Variants in HEATR5A observed in about 807,000 individuals in gnomAD.
HEATR5A encodes HEAT repeat-containing protein 5A.
In HEATR5A, 178 loss-of-function variants were observed where a neutral mutation model predicts 218.8. The ratio of observed to expected loss-of-function variants is 0.81; its 90% CI spans 0.72 to 0.92. HEATR5A has a LOEUF of 0.92. Ranked by LOEUF, HEATR5A falls within the 40% of genes least tolerant of loss-of-function variation. The pLI is 0.00. For missense variants in HEATR5A, 2,420 were observed against 2,418.9 expected (o/e 1.00, Z -0.01); for synonymous variants, 864 against 871.6 (o/e 0.99, Z 0.15).
chr14:31,293,971 T>C lies in HEATR5A; in HGVS notation c.5753A>G (p.Glu1918Gly). The change falls in exon 35 of 36, where the codon GAA becomes GGA. Residue 1918 changes from glutamate to glycine, a missense_variant. Glu to Gly is a moderately conservative substitution (Grantham distance 98, BLOSUM62 -2). Coordinates refer to ENST00000543095, the MANE Select transcript of HEATR5A (RefSeq NM_015473.4). ...GAAGATCTCAAGCTCAGCAGTGTTT[T>C]CAGGTTTTCTCTTGTCTATTTCCTG... is the stretch of plus-strand genomic sequence containing the variant. ...KLQEIDKRKPENTAELEIFQE... is the reference protein window; with the variant it reads ...KLQEIDKRKPGNTAELEIFQE... The C allele has an allele frequency of 6.2e-7, 1 of 1,607,270 alleles. No individual in the cohort carries two copies.
rs1448966009 is a variant in HEATR5A at position 31,383,552 on chromosome 14, C to T, written c.1565G>A (p.Cys522Tyr). The T allele has an allele frequency of 1.2e-6, 2 of 1,613,502 alleles. No individual in the cohort carries two copies. The highest frequency in any genetic ancestry group is 1.7e-6 in the Non-Finnish European group (2 of 1,179,668). The change falls in exon 10 of 36, where the codon TGT becomes TAT. Residue 522 changes from cysteine to tyrosine, a missense_variant. Transcript: ENST00000543095. ...VAALLGAVKH[C>Y]PLGIPHGKGK... ...TTTTCCATGAGGAATTCCTAAAGGACAATGTTTTACTGCTCCCAACAAAGC... is the reference window on the plus strand; with the variant it reads ...TTTTCCATGAGGAATTCCTAAAGGATAATGTTTTACTGCTCCCAACAAAGC...
rs74043919 is a variant in HEATR5A at position 31,311,875 on chromosome 14, T to G, written c.4441+1093A>C. On this transcript the variant is annotated intron_variant, in intron 28 of 35. Coordinates refer to ENST00000543095, the MANE Select transcript of HEATR5A (RefSeq NM_015473.4). ...AGGAGACAAGGGGGTTTTTATATCC[T>G]AATGTGATCTGTATCTCTGTGTTCT... is the stretch of plus-strand genomic sequence containing the variant. 2.3e-3 allele frequency among the ~76,000 whole-genome samples: 352 copies of G among 152,316 alleles called. 2 individuals carry two copies. The highest frequency in any genetic ancestry group is 7.7e-3 in the African/African-American group (321 of 41,568).
At chr14:31,419,180 C>T (rs2139336912) in intron 1 of HEATR5A, among the ~76,000 whole-genome samples, 1 of 152,104 alleles carries the variant, frequency 6.6e-6, no homozygotes, top group Admixed American at 6.5e-5. Flanking sequence ...CTATAGTCAT[C>T]TAGGTAAAAC....
chr14:31,406,563 G>C (rs6571419), intron 1 of HEATR5A, among the ~76,000 whole-genome samples: 141,173 of 152,242 alleles, frequency 0.93, 66,044 homozygotes, highest in Non-Finnish European at 1. Context: ...AGGTCACACA[G>C]AACCTGGGTG....
chr14:31,389,070 T>G (rs1194507497), intron 6 of HEATR5A, 65 bp from the exon 7 acceptor site: 1 of 1,390,276 alleles, frequency 7.2e-7, no homozygotes, highest in East Asian at 2.5e-5. Context: ...AGTTCTTGAT[T>G]TGCAAAAAGC....
At chr14:31,337,880 A>G (rs996448096) in intron 21 of HEATR5A, among the ~76,000 whole-genome samples, 9 of 152,238 alleles carry the variant, frequency 5.9e-5, no homozygotes, top group South Asian at 2.1e-4. Flanking sequence ...GTCAGAAGGC[A>G]GAATTTATAT....
intron 1 of HEATR5A, among the ~76,000 whole-genome samples, chr14:31,407,269 A>AT (rs1200412047): frequency 6.6e-6 from 1 of 152,164 alleles, no homozygotes; most frequent in Non-Finnish European, 1.5e-5. Flanking sequence ...AAAGCAAGTC[A>AT]TTTTTTAAAA....
At chr14:31,395,160 T>C in intron 5 of HEATR5A, 39 bp downstream of exon 5, 1 of 1,368,542 alleles carries the variant, frequency 7.3e-7, no homozygotes, top group Non-Finnish European at 9.7e-7. Flanking sequence ...TACTTTTCTT[T>C]ATATTAATTT....
intron 16 of HEATR5A, 119 bp downstream of exon 16, chr14:31,358,518 A>G: frequency 3.3e-6 from 3 of 911,248 alleles, no homozygotes; most frequent in Non-Finnish European, 3.3e-6. Flanking sequence ...ACAAAAACTT[A>G]TATTTCACCT....
intron 2 of HEATR5A, 129 bp from the exon 3 acceptor site, chr14:31,400,641 G>T: frequency 1.6e-6 from 1 of 638,818 alleles, no homozygotes; most frequent in Non-Finnish European, 2.6e-6. Flanking sequence ...ACTTTGACTG[G>T]AAGTTACAAA....
chr14:31,337,341 A>T, intron 22 of HEATR5A, 135 bp downstream of exon 22: 1 of 712,574 alleles, frequency 1.4e-6, no homozygotes, highest in Non-Finnish European at 2.3e-6. Flanking sequence ...GGTTGGAATA[A>T]CTGTTAGCAA....
chr14:31,364,026 G>A (rs1481805408), intron 14 of HEATR5A, among the ~76,000 whole-genome samples, 163 bp downstream of exon 14: 1 of 151,966 alleles, frequency 6.6e-6, no homozygotes, highest in African/African-American at 2.4e-5. Flanking sequence ...ACTATAAGAT[G>A]GTGAACACAT....
At chr14:31,417,331 AC>A (rs1227836135) in intron 1 of HEATR5A, among the ~76,000 whole-genome samples, 3 of 152,022 alleles carry the variant, frequency 2.0e-5, no homozygotes, top group Non-Finnish European at 2.9e-5. Flanking sequence ...AGGCCGAGGT[AC>A]GCGGATCACG....
chr14:31,361,366 A>C (rs1468219063), intron 14 of HEATR5A, among the ~76,000 whole-genome samples: 1 of 152,250 alleles, frequency 6.6e-6, no homozygotes, highest in Non-Finnish European at 1.5e-5. Flanking sequence ...GAGATTACAT[A>C]CAGGAATTAG....
chr14:31,362,943 G>T (rs894717034), intron 14 of HEATR5A, among the ~76,000 whole-genome samples: 2 of 151,914 alleles, frequency 1.3e-5, no homozygotes, highest in Non-Finnish European at 2.9e-5. Context: ...AGGAGGCCAA[G>T]GAGGGTGAAT....
chr14:31,357,374 A>G (rs1901459885), intron 16 of HEATR5A, among the ~76,000 whole-genome samples: 2 of 152,256 alleles, frequency 1.3e-5, no homozygotes, highest in African/African-American at 2.4e-5. Flanking sequence ...TCTGGAAGAT[A>G]TAACTGGATA....
In HEATR5A at chr14:31,313,084, A is replaced by T; in HGVS notation, c.4325T>A (p.Leu1442Gln). Residue 1442 changes from leucine to glutamine, a missense_variant, in exon 28 of 36, where the codon CTG becomes CAG. Transcript: ENST00000543095. Reference protein sequence around the residue: ...IRNGSCSSDGLLDLVYADLGT... With the variant: ...IRNGSCSSDGQLDLVYADLGT... ...AAGATCTGCATAGACTAAGTCAAGC[A>T]GTCCATCTGATGAACATGATCCATT... 6.2e-7 allele frequency: 1 copy of T among 1,613,798 alleles called. No individual in the cohort carries two copies. The highest frequency in any genetic ancestry group is 1.1e-5 in the South Asian group (1 of 91,078).
chr14:31,388,784 A>G, intron 7 of HEATR5A, 61 bp downstream of exon 7: 1 of 1,347,666 alleles, frequency 7.4e-7, no homozygotes, highest in South Asian at 1.2e-5. Context: ...GGAGTCAGAT[A>G]CTAAAACTTT....
At chr14:31,310,687 C>T (rs1899718749) in intron 28 of HEATR5A, among the ~76,000 whole-genome samples, 1 of 151,576 alleles carries the variant, frequency 6.6e-6, no homozygotes, top group Non-Finnish European at 1.5e-5. Context: ...ATTTTTTTTC[C>T]ACTTAACATT....
Sources: gnomAD v4.1 joint callset for allele counts (sites outside exome capture counted in the v4.1 genomes callset) on GRCh38, gnomAD v4.1.1 for gene constraint, MANE v1.5 for transcripts, NCBI Gene and HGNC (gene_info 2026-07-23, HGNC 2026-07-21) for gene names.